Variants in PHEX observed in about 807,000 individuals in gnomAD.
PHEX encodes the protein phosphate regulating endopeptidase X-linked.
A neutral mutation model predicts 68.0 loss-of-function variants in PHEX; 16 were observed. The ratio of observed to expected loss-of-function variants is 0.24; its 90% CI spans 0.16 to 0.36. The LOEUF is 0.36. Among genes scored for constraint, PHEX ranks in the 10% least tolerant of loss-of-function variants. The pLI, the probability that PHEX is intolerant of heterozygous loss-of-function variation, is 1.00. For missense variants in PHEX, 480 were observed against 575.5 expected, an observed-to-expected ratio of 0.83 and a Z score of 1.70; for synonymous variants, 208 against 205.1, an observed-to-expected ratio of 1.01 and a Z score of -0.12.
At chrX:22,113,489 C>T (rs754093693) in intron 10 of PHEX, among the ~76,000 whole-genome samples, 3 of 112,180 alleles carry the variant, frequency 2.7e-5, no homozygotes, top group Non-Finnish European at 5.6e-5. Context: ...CAAGAGTAAA[C>T]CTCTGACCCA....
chrX:22,226,513 G>A lies in PHEX; in HGVS notation c.1965+5G>A. On this transcript the variant is annotated splice_donor_5th_base_variant and intron_variant, in intron 19 of 21. Coordinates refer to ENST00000379374, the MANE Select transcript of PHEX (RefSeq NM_000444.6). The stretch of plus-strand genomic sequence containing the variant: ...GGCCTGCGGGAAGCTTTTAGGGTAT[G>A]CGCTGCTACATTTACCGTGGTTCTA... 8.4e-7 allele frequency: 1 copy of A among 1,188,907 alleles called. No individual in the cohort carries two copies.
intron 2 of PHEX, among the ~76,000 whole-genome samples, chrX:22,044,967 G>A (rs2146985958): frequency 9.1e-6 from 1 of 109,413 alleles, no homozygotes; most frequent in African/African-American, 3.3e-5. Context: ...CAAAATGCTG[G>A]GATTACAGGC....
At chrX:22,085,473 G>T (rs191852123) in intron 5 of PHEX, among the ~76,000 whole-genome samples, 4 of 108,908 alleles carry the variant, frequency 3.7e-5, no homozygotes, top group African/African-American at 1.3e-4. Context: ...TACTCGGGAG[G>T]CTGAGGTGGG....
chrX:22,184,663 G>A (rs1933975347), intron 14 of PHEX, among the ~76,000 whole-genome samples: 1 of 111,368 alleles, frequency 9.0e-6, no homozygotes, highest in Admixed American at 9.5e-5. Flanking sequence ...AAAAATAGAG[G>A]ATTTACTTAC....
intron 12 of PHEX, among the ~76,000 whole-genome samples, chrX:22,141,057 C>T (rs949335479): frequency 9.0e-6 from 1 of 110,544 alleles, no homozygotes; most frequent in African/African-American, 3.3e-5. Flanking sequence ...TGCTTTTATC[C>T]GCAATGCCAG....
chrX:22,077,288 G>A (rs781564908), intron 4 of PHEX, among the ~76,000 whole-genome samples, 188 bp from the exon 5 acceptor site: 18 of 111,547 alleles, frequency 1.6e-4, no homozygotes, highest in Non-Finnish European at 2.6e-4. Context: ...ACATTGAAGC[G>A]TGGATCGTAG....
chrX:22,157,166 A>G (rs1932974352), intron 12 of PHEX, among the ~76,000 whole-genome samples: 1 of 112,175 alleles, frequency 8.9e-6, no homozygotes, highest in Admixed American at 9.4e-5. Context: ...AACAGGTGTG[A>G]GCCACGGTGC....
At chrX:22,129,047 G>A (rs1430960276) in intron 11 of PHEX, among the ~76,000 whole-genome samples, 4 of 111,141 alleles carry the variant, frequency 3.6e-5, no homozygotes, top group Admixed American at 9.6e-5. Context: ...TGTGAATGTG[G>A]TCTCTCTTTC....
chrX:22,037,346 C>T (rs1927075951), intron 1 of PHEX, among the ~76,000 whole-genome samples: 1 of 111,288 alleles, frequency 9.0e-6, no homozygotes, highest in East Asian at 2.8e-4. Flanking sequence ...CCACAGAGGG[C>T]CTTGGTCCCC....
chrX:22,125,711 C>G (rs982570763), intron 11 of PHEX, among the ~76,000 whole-genome samples: 1 of 111,609 alleles, frequency 9.0e-6, no homozygotes, highest in Non-Finnish European at 1.9e-5. Flanking sequence ...CCTAATATAA[C>G]GATGGATTTT....
intron 5 of PHEX, among the ~76,000 whole-genome samples, chrX:22,082,758 G>A (rs191919945): frequency 1.8e-3 from 205 of 111,588 alleles, no homozygotes; most frequent in Non-Finnish European, 3.4e-3. Flanking sequence ...ATTGTTTTGG[G>A]CATCTTCATC....
intron 4 of PHEX, among the ~76,000 whole-genome samples, chrX:22,076,681 A>G (rs1417805616): frequency 8.9e-6 from 1 of 112,157 alleles, no homozygotes; most frequent in African/African-American, 3.2e-5. Flanking sequence ...AGAAAATCTT[A>G]TTTATATGAG....
Position 22,047,194 on chromosome X carries a change from T to C in PHEX, c.332T>C (p.Val111Ala). Residue 111 changes from valine to alanine, a missense_variant, in exon 3 of 22, where the codon GTT becomes GCT. Transcript: ENST00000379374. ...GTTTATCCTTGGCTGAGACATAATGTTGACCTCAAGTTGAAGGGTAAGTTT... is the reference window on the plus strand; with the variant it reads ...GTTTATCCTTGGCTGAGACATAATGCTGACCTCAAGTTGAAGGGTAAGTTT... ...YGVYPWLRHN[V>A]DLKLKELLEK... 2 of 1,209,254 alleles carry C rather than the reference T, an allele frequency of 1.7e-6. No homozygotes were observed. Among genetic ancestry groups the C allele is most frequent in the Middle Eastern group, 2.3e-4 (1 of 4,349 alleles).
At chrX:22,180,764 G>C (rs1475444104) in intron 14 of PHEX, among the ~76,000 whole-genome samples, 1 of 108,818 alleles carries the variant, frequency 9.2e-6, no homozygotes, top group African/African-American at 3.4e-5. Flanking sequence ...CCATCCCCTC[G>C]ACCCAGTACC....
rs952059925 is a variant in PHEX at position 22,248,295 on chromosome X, G to C, written c.*342G>C. On this transcript the variant is annotated 3_prime_UTR_variant, in exon 22 of 22. Coordinates refer to ENST00000379374, the MANE Select transcript of PHEX (RefSeq NM_000444.6). ...GTGGTACATAGCATTTCAATCTATA[G>C]CTTTGTGGGAAGCCTAAATTGATGT... The C allele has an allele frequency of 3.5e-5, 8 of 229,577 alleles. No homozygotes were observed. 18.9% of individuals were successfully genotyped at this position (229,577 alleles called of 1,213,427 possible).
chrX:22,211,347 A>AT (rs1934916217), intron 15 of PHEX, among the ~76,000 whole-genome samples: 1 of 112,154 alleles, frequency 8.9e-6, no homozygotes, highest in Admixed American at 9.5e-5. Flanking sequence ...TCAACTTGTC[A>AT]TGGTATTGTT....
chrX:22,076,553 T>G (rs1485360122), intron 4 of PHEX, 79 bp downstream of exon 4: 5 of 658,294 alleles, frequency 7.6e-6, no homozygotes, highest in Non-Finnish European at 1.2e-5. Context: ...ATATATTGTT[T>G]GAGGAAGAAG....
In PHEX at chrX:22,250,532, C is replaced by T. The variant is rs147114489; in HGVS notation, c.*2579C>T. On this transcript the variant is annotated 3_prime_UTR_variant, in exon 22 of 22. Transcript: ENST00000379374. ...ATTCGCACACCAGATGTTCTGCCAG[C>T]GAACTGTTGTCTGGGCATTGGAAGG... 7.1e-5 allele frequency: 8 copies of T among 111,963 alleles called. No individual in the cohort carries two copies. The East Asian group carries it at 1.9e-3, about 27-fold the overall frequency. The allele number at this position is 111,963 out of a possible 1,213,427, so 9.2% of individuals were successfully genotyped here.
At chrX:22,063,957 C>T (rs757528533) in intron 3 of PHEX, among the ~76,000 whole-genome samples, 6 of 112,254 alleles carry the variant, frequency 5.3e-5, no homozygotes, top group Admixed American at 9.4e-5. Context: ...GCAGTGTCTT[C>T]CACAGCCTTA....
Sources: gnomAD v4.1 joint callset for allele counts (sites outside exome capture counted in the v4.1 genomes callset) on GRCh38, gnomAD v4.1.1 for gene constraint, MANE v1.5 for transcripts, NCBI Gene and HGNC (gene_info 2026-07-23, HGNC 2026-07-21) for gene names.